The following STRN3 variants were observed in gnomAD, a reference collection of about 807,000 sequenced individuals.
STRN3 encodes the protein striatin-3.
Under a neutral mutation model 95.6 loss-of-function variants are expected in STRN3, and 29 were observed. The ratio of observed to expected loss-of-function variants is 0.30; its 90% confidence interval spans 0.23 to 0.41. STRN3 has a LOEUF of 0.41. STRN3 is among the 10% of genes least tolerant of loss of function. The pLI is 1.00. For synonymous variants in STRN3, 331 were observed against 357.6 expected (o/e 0.93, Z 0.84); for missense variants, 890 against 972.1 (o/e 0.92, Z 1.12).
intron 1 of STRN3, among the ~76,000 whole-genome samples, chr14:30,956,779 T>C (rs1361277346): frequency 6.6e-6 from 1 of 152,188 alleles, no homozygotes; most frequent in Non-Finnish European, 1.5e-5. Flanking sequence ...CTGAAAAACA[T>C]GTCCACAAGT....
chr14:30,999,422 G>C (rs371144272), intron 1 of STRN3, among the ~76,000 whole-genome samples: 2 of 152,078 alleles, frequency 1.3e-5, no homozygotes, highest in African/African-American at 4.8e-5. Flanking sequence ...AGAACTAAAG[G>C]AAAACATATG....
intron 3 of STRN3, among the ~76,000 whole-genome samples, chr14:30,953,382 A>G (rs1879747938): frequency 6.6e-6 from 1 of 152,138 alleles, no homozygotes; most frequent in African/African-American, 2.4e-5. Context: ...AATTTCTTCA[A>G]TTTTCAGTTT....
At chr14:30,977,462 A>G (rs1349731683) in intron 1 of STRN3, among the ~76,000 whole-genome samples, 1 of 151,880 alleles carries the variant, frequency 6.6e-6, no homozygotes, top group Non-Finnish European at 1.5e-5. Context: ...AAGGGGAAGA[A>G]AGAGGAAGAA....
chr14:30,950,306 T>C (rs1365417470), intron 4 of STRN3, among the ~76,000 whole-genome samples: 2 of 152,096 alleles, frequency 1.3e-5, no homozygotes, highest in Non-Finnish European at 2.9e-5. Flanking sequence ...CAGAAAAGGC[T>C]GAATAACTGA....
At chr14:31,008,414 G>A (rs114602348) in intron 1 of STRN3, among the ~76,000 whole-genome samples, 5,028 of 151,920 alleles carry the variant, frequency 0.033, 292 homozygotes, top group African/African-American at 0.12. Flanking sequence ...AGGCTGAGGT[G>A]GGAGGATCGA....
intron 3 of STRN3, among the ~76,000 whole-genome samples, chr14:30,953,656 G>T (rs1257862962): frequency 2.6e-5 from 4 of 152,114 alleles, no homozygotes; most frequent in Non-Finnish European, 5.9e-5. Context: ...TTGAGACAGG[G>T]TCTCACTTTG....
intron 8 of STRN3, among the ~76,000 whole-genome samples, chr14:30,922,120 C>T (rs1896900098): frequency 1.3e-5 from 2 of 152,034 alleles, no homozygotes; most frequent in Non-Finnish European, 2.9e-5. Context: ...AACTCTTAGG[C>T]TCAGGCAATC....
At chr14:31,008,982 T>C (rs1882841090) in intron 1 of STRN3, among the ~76,000 whole-genome samples, 1 of 151,688 alleles carries the variant, frequency 6.6e-6, no homozygotes, top group South Asian at 2.1e-4. Context: ...TAGGTTGCAA[T>C]GAGCCGTGAT....
Position 30,947,235 on chromosome 14 carries a change from T to C in STRN3, c.571A>G (p.Thr191Ala), listed in dbSNP as rs201643667. ...QYLQEVGYTDTILDVRSQRVR... is the reference protein window; with the variant it reads ...QYLQEVGYTDAILDVRSQRVR... Reference sequence around the variant, plus strand: ...CGCTGAGACCGTACATCTAATATTGTATCTGTATAACCTACTTCCTGAAGA... The same window carrying C: ...CGCTGAGACCGTACATCTAATATTGCATCTGTATAACCTACTTCCTGAAGA... The change falls in exon 5 of 18, where the codon ACA (threonine) becomes GCA (alanine). Residue 191 changes from threonine to alanine, a missense_variant. Transcript: ENST00000357479. The C allele has an allele frequency of 1.9e-6, 3 of 1,606,930 alleles. No individual in the cohort carries two copies. In the East Asian group the frequency reaches 6.7e-5, roughly 36 times the overall value.
intron 9 of STRN3, among the ~76,000 whole-genome samples, chr14:30,917,770 T>C (rs919617669): frequency 1.3e-5 from 2 of 152,148 alleles, no homozygotes; most frequent in Admixed American, 6.5e-5. Flanking sequence ...TGCAAAATTA[T>C]TTAACTGTAA....
intron 1 of STRN3, among the ~76,000 whole-genome samples, chr14:31,007,196 G>C (rs759590908): frequency 1.3e-5 from 2 of 152,120 alleles, no homozygotes; most frequent in Non-Finnish European, 2.9e-5. Flanking sequence ...CGGAAGGACC[G>C]CAGCAGACAT....
At position 31,025,913 on chromosome 14, in the gene STRN3, G is replaced by A. The variant is rs1465029998; in HGVS notation, c.273C>T (p.Ala91=). Reference sequence around the variant, plus strand: ...GACCCCAACGAGGTACCTGCAGTTCGGCCCGTTCCACCTCCCAGTGCGCCC... The same window carrying A: ...GACCCCAACGAGGTACCTGCAGTTCAGCCCGTTCCACCTCCCAGTGCGCCC... ...MERAHWEVER[A]ELQARIAFLQ... The change falls in exon 1 of 18, where the codon GCC becomes GCT. Residue 91 remains alanine, a synonymous_variant. Coordinates refer to ENST00000357479, the MANE Select transcript of STRN3 (RefSeq NM_001083893.2). 5 of 1,600,874 alleles carry A rather than the reference G, an allele frequency of 3.1e-6. No individual in the cohort carries two copies. Among genetic ancestry groups the A allele is most frequent in the Non-Finnish European group, 4.3e-6 (5 of 1,174,294 alleles).
chr14:31,003,238 G>A (rs1222480433), intron 1 of STRN3, among the ~76,000 whole-genome samples: 1 of 148,194 alleles, frequency 6.7e-6, no homozygotes, highest in Non-Finnish European at 1.5e-5. Flanking sequence ...CTCCAGCCTG[G>A]TGACACAGCA....
At chr14:30,962,306 C>T (rs1321780299) in intron 1 of STRN3, among the ~76,000 whole-genome samples, 2 of 151,972 alleles carry the variant, frequency 1.3e-5, no homozygotes, top group African/African-American at 4.8e-5. Context: ...AGAGTTAAAA[C>T]GCTGAAAAAA....
At chr14:30,903,617 C>T (rs1450376355) in intron 15 of STRN3, among the ~76,000 whole-genome samples, 1 of 152,186 alleles carries the variant, frequency 6.6e-6, no homozygotes, top group Non-Finnish European at 1.5e-5. Flanking sequence ...CCAGACTGGT[C>T]TCTACTCCTA....
intron 1 of STRN3, among the ~76,000 whole-genome samples, chr14:31,021,332 T>C (rs1327562870): frequency 1.3e-5 from 2 of 152,166 alleles, no homozygotes; most frequent in Non-Finnish European, 2.9e-5. Flanking sequence ...TGCCTCCTAG[T>C]TGCATAGATT....
In STRN3 at chr14:30,928,932, C is replaced by T. The variant is rs548453429; in HGVS notation, c.1099+269G>A. On this transcript the variant is annotated intron_variant, in intron 8 of 17. Transcript: ENST00000357479. ...ATTTTTTATTCCAATGCCAATATTC[C>T]AAACAATTTGGTAAAGTTTTTAAAG... Among the ~76,000 whole-genome samples the T allele has an allele frequency of 2.0e-5, 3 of 152,176 alleles. No individual in the cohort carries two copies. In the East Asian group the frequency reaches 5.8e-4, roughly 29 times the overall value.
At chr14:30,988,968 C>T (rs930814523) in intron 1 of STRN3, among the ~76,000 whole-genome samples, 10 of 152,162 alleles carry the variant, frequency 6.6e-5, no homozygotes, top group Non-Finnish European at 1.5e-4. Context: ...GTCTTGCTCA[C>T]GGACACTGTC....
At chr14:31,002,189 C>A (rs179700) in intron 1 of STRN3, among the ~76,000 whole-genome samples, 84,952 of 92,584 alleles carry the variant, frequency 0.92, 38,698 homozygotes, top group Middle Eastern at 0.98. Context: ...AAAAAAAAAA[C>A]AAGGCCAGGC....
Sources: allele counts gnomAD v4.1 joint callset (sites outside exome capture counted in the v4.1 genomes callset), GRCh38; gene constraint gnomAD v4.1.1; transcripts MANE v1.5; gene names NCBI Gene and HGNC (gene_info 2026-07-23, HGNC 2026-07-21).